Variants in PRKX observed in about 807,000 individuals in gnomAD.
PRKX encodes the protein cAMP-dependent protein kinase catalytic subunit PRKX.
In PRKX, 12 loss-of-function variants were observed where a neutral mutation model predicts 22.0. That is an observed-to-expected ratio of 0.54 (90% CI 0.35 to 0.88). The LOEUF is 0.88. PRKX is among the 40% of genes least tolerant of loss of function. The pLI, the probability that PRKX is intolerant of heterozygous loss-of-function variation, is 0.01. For missense variants in PRKX, 217 were observed against 308.0 expected (o/e 0.70, Z 2.21); for synonymous variants, 134 against 137.7 (o/e 0.97, Z 0.19).
intron 1 of PRKX, among the ~76,000 whole-genome samples, chrX:3,692,114 G>A (rs1272968930): frequency 9.6e-6 from 1 of 104,100 alleles, no homozygotes; most frequent in Non-Finnish European, 2.0e-5. Context: ...AGCGAGAGTG[G>A]GGAGGGGAGA....
At chrX:3,657,643 A>G in intron 2 of PRKX, among the ~76,000 whole-genome samples, 1 of 112,332 alleles carries the variant, frequency 8.9e-6, no homozygotes, top group East Asian at 2.8e-4. Context: ...CTGAGAATTA[A>G]CAATAAACTA....
Position 3,613,150 on chromosome X carries a change from C to CAAAAAAAAAAA in PRKX, c.952-836_952-826dup, listed in dbSNP as rs528688936. ...TGGGCAACGGAGCAAGACTTCGTCT[C>CAAAAAAAAAAA]AAAAAAAAAAAAAAAAAAAAAAAAA... On this transcript the variant is annotated intron_variant, in intron 7 of 8. Coordinates refer to ENST00000262848, the MANE Select transcript of PRKX (RefSeq NM_005044.5). Among the ~76,000 whole-genome samples, 197 of 54,264 alleles carry CAAAAAAAAAAA rather than the reference C, an allele frequency of 3.6e-3. 19 individuals are homozygous for CAAAAAAAAAAA. Among genetic ancestry groups the CAAAAAAAAAAA allele is most frequent in the Non-Finnish European group, 5.6e-3 (148 of 26,529 alleles). 47.1% of individuals were successfully genotyped at this position (54,264 alleles called of 115,157 possible).
chrX:3,704,528 G>A (rs186370488), intron 1 of PRKX, among the ~76,000 whole-genome samples: 83 of 111,305 alleles, frequency 7.5e-4, no homozygotes, highest in African/African-American at 2.5e-3. Flanking sequence ...ATAGCCTGGC[G>A]TGGTGATGCA....
chrX:3,697,084 T>C (rs1474554308), intron 1 of PRKX, among the ~76,000 whole-genome samples: 1 of 111,030 alleles, frequency 9.0e-6, no homozygotes, highest in Non-Finnish European at 1.9e-5. Context: ...CCAGGCACAG[T>C]GGCTCATGCC....
intron 2 of PRKX, among the ~76,000 whole-genome samples, chrX:3,656,182 G>A (rs575788131): frequency 1.3e-4 from 14 of 111,407 alleles, no homozygotes; most frequent in African/African-American, 2.0e-4. Flanking sequence ...ATATCTATAC[G>A]TATAGATGTT....
intron 1 of PRKX, among the ~76,000 whole-genome samples, chrX:3,685,967 G>A (rs915385587): frequency 3.0e-4 from 34 of 111,665 alleles, no homozygotes; most frequent in Non-Finnish European, 4.9e-4. Flanking sequence ...GATCTCTTGA[G>A]CCCAGGAGGT....
At chrX:3,686,861 T>C (rs1928189739) in intron 1 of PRKX, among the ~76,000 whole-genome samples, 1 of 111,988 alleles carries the variant, frequency 8.9e-6, no homozygotes, top group African/African-American at 3.2e-5. Context: ...AGACCAAATC[T>C]ATTTTTTAAT....
At chrX:3,678,919 T>C (rs1928017356) in intron 1 of PRKX, among the ~76,000 whole-genome samples, 1 of 111,471 alleles carries the variant, frequency 9.0e-6, no homozygotes, top group Admixed American at 9.6e-5. Flanking sequence ...TTTTCAAGTG[T>C]TTCTAGGCAG....
chrX:3,706,374 C>T (rs1185964076), intron 1 of PRKX, among the ~76,000 whole-genome samples: 1 of 110,764 alleles, frequency 9.0e-6, no homozygotes, highest in Non-Finnish European at 1.9e-5. Context: ...TTTTTTGTAG[C>T]GATGGGGTAG....
chrX:3,681,732 C>T (rs1453001515), intron 1 of PRKX, among the ~76,000 whole-genome samples: 2 of 109,402 alleles, frequency 1.8e-5, no homozygotes, highest in South Asian at 4.1e-4. Flanking sequence ...ATGTACAAAG[C>T]GAGGTATGAG....
chrX:3,665,350 C>T (rs1927702333), intron 2 of PRKX, among the ~76,000 whole-genome samples: 1 of 110,921 alleles, frequency 9.0e-6, no homozygotes, highest in South Asian at 3.9e-4. Flanking sequence ...GTGGTGCATG[C>T]CTGTAATCCC....
At chrX:3,651,410 C>G (rs1314377704) in intron 3 of PRKX, among the ~76,000 whole-genome samples, 1 of 111,985 alleles carries the variant, frequency 8.9e-6, no homozygotes, top group Non-Finnish European at 1.9e-5. Flanking sequence ...AATAAAATGA[C>G]TTTAAAAGAA....
chrX:3,628,526 A>C (rs1926706243), intron 4 of PRKX, among the ~76,000 whole-genome samples: 1 of 111,695 alleles, frequency 9.0e-6, no homozygotes, highest in Non-Finnish European at 1.9e-5. Context: ...ATTATGTGTC[A>C]ATTTAAAAAA....
intron 1 of PRKX, among the ~76,000 whole-genome samples, chrX:3,697,274 G>A (rs1928462668): frequency 9.0e-6 from 1 of 110,837 alleles, no homozygotes; most frequent in Non-Finnish European, 1.9e-5. Context: ...GGCGCGGCAC[G>A]AGGACTGCTT....
Position 3,606,776 on chromosome X carries a change from C to T in PRKX, c.*2193G>A, listed in dbSNP as rs758310031. On this transcript the variant is annotated 3_prime_UTR_variant, in exon 9 of 9. Transcript: ENST00000262848. ...CATTGGGCCATTTAAACTATGACCC[C>T]GCCATGGGCAGTTACCAGGTAGCTT... is the stretch of plus-strand genomic sequence containing the variant. 4 of 112,250 alleles carry T rather than the reference C, an allele frequency of 3.6e-5. No individual in the cohort carries two copies. Among genetic ancestry groups the T allele is most frequent in the Non-Finnish European group, 7.5e-5 (4 of 53,284 alleles). The allele number at this position is 112,250 out of a possible 1,213,427, so 9.3% of individuals were successfully genotyped here. A position where few individuals can be genotyped will look rare whatever the true frequency, so the allele number is the denominator to read the frequency against.
rs1926172164 is a variant in PRKX at position 3,606,317 on chromosome X, T to C, written c.*2652A>G. 1 of 112,554 alleles carries C rather than the reference T, an allele frequency of 8.9e-6. No individual in the cohort carries two copies. The highest frequency in any genetic ancestry group is 1.9e-5 in the Non-Finnish European group (1 of 53,297). The allele number at this position is 112,554 out of a possible 1,213,427, so 9.3% of individuals were successfully genotyped here. ...TCCATGCGGACATTTCGCACCGTGA[T>C]TGTTTCGTGATCGTCCATGCGGACA... On this transcript the variant is annotated 3_prime_UTR_variant, in exon 9 of 9. Coordinates refer to ENST00000262848, the MANE Select transcript of PRKX (RefSeq NM_005044.5).
At chrX:3,664,146 G>A (rs1454778582) in intron 2 of PRKX, among the ~76,000 whole-genome samples, 3 of 111,876 alleles carry the variant, frequency 2.7e-5, no homozygotes, top group South Asian at 7.4e-4. Context: ...CACCTCCCCT[G>A]CTGCACGCAC....
intron 5 of PRKX, among the ~76,000 whole-genome samples, chrX:3,625,404 GA>G (rs1926640512): frequency 8.9e-6 from 1 of 111,927 alleles, no homozygotes; most frequent in Admixed American, 9.5e-5. Flanking sequence ...CCATGGAAAA[GA>G]AAAGTTTAAT....
chrX:3,649,831 A>AG, intron 3 of PRKX, among the ~76,000 whole-genome samples: 1 of 71,572 alleles, frequency 1.4e-5, no homozygotes, highest in African/African-American at 5.6e-5. Context: ...GGAGGGAGGG[A>AG]GGAAGGAAGG....
Sources: allele counts gnomAD v4.1 joint callset (sites outside exome capture counted in the v4.1 genomes callset), GRCh38; gene constraint gnomAD v4.1.1; transcripts MANE v1.5; gene names NCBI Gene and HGNC (gene_info 2026-07-23, HGNC 2026-07-21).